The following NCOR2 variants were observed in gnomAD, a reference collection of about 807,000 sequenced individuals.
The protein encoded by NCOR2 is nuclear receptor corepressor 2.
In NCOR2, 81 loss-of-function variants were observed where a neutral mutation model predicts 262.9. That is an observed-to-expected ratio of 0.31 (90% CI 0.26 to 0.37). The LOEUF (loss-of-function observed/expected upper bound fraction) is 0.37. Ranked by LOEUF, NCOR2 falls within the 10% of genes least tolerant of loss-of-function variation. NCOR2 has a pLI of 1.00. For synonymous variants in NCOR2, 1,659 were observed against 1,559.3 expected, an observed-to-expected ratio of 1.06 and a Z score of -1.51; for missense variants, 3,385 against 3,621.4, an observed-to-expected ratio of 0.93 and a Z score of 1.68.
intron 22 of NCOR2, among the ~76,000 whole-genome samples, chr12:124,359,868 G>C (rs772995019): frequency 9.8e-5 from 15 of 152,378 alleles, no homozygotes; most frequent in Non-Finnish European, 1.9e-4. Flanking sequence ...AGACCAGAGA[G>C]GTAGCGCTGG....
chr12:124,379,647 C>T lies in NCOR2; in HGVS notation c.2020-1263G>A, dbSNP rs115420683. On this transcript the variant is annotated intron_variant, in intron 17 of 46. Coordinates refer to ENST00000405201, the Ensembl canonical transcript of NCOR2. ...GCCCTCCGCCACACCTGGAGGTGCC[C>T]GCAGCTCTCAGCCAAGAGCCCTGTA... 5.1e-3 allele frequency among the ~76,000 whole-genome samples: 779 copies of T among 152,282 alleles called. 9 individuals carry two copies. The highest frequency in any genetic ancestry group is 0.018 in the African/African-American group (734 of 41,550).
intron 13 of NCOR2, among the ~76,000 whole-genome samples, chr12:124,416,780 T>A (rs3825120): frequency 8.8e-6 from 1 of 114,128 alleles, no homozygotes; most frequent in African/African-American, 3.3e-5. Context: ...GCAGCACAGA[T>A]AGACCCGTGG....
intron 16 of NCOR2, among the ~76,000 whole-genome samples, chr12:124,390,680 C>T (rs1055508476): frequency 6.6e-6 from 1 of 152,208 alleles, no homozygotes; most frequent in East Asian, 1.9e-4. Context: ...CTGCAGGGGG[C>T]CCCGAACCCT....
At chr12:124,395,327 G>A (rs1434440698) in intron 16 of NCOR2, among the ~76,000 whole-genome samples, 1 of 146,616 alleles carries the variant, frequency 6.8e-6, no homozygotes, top group South Asian at 2.2e-4. Context: ...CTGTCTCCCC[G>A]CCCCACCCCC....
At chr12:124,421,680 C>T (rs1201533321) in intron 12 of NCOR2, among the ~76,000 whole-genome samples, 10 of 152,194 alleles carry the variant, frequency 6.6e-5, no homozygotes, top group Middle Eastern at 3.2e-3. Context: ...CTCTGAGAAA[C>T]GTGATTCAGG....
At chr12:124,333,024 C>T (rs2035350233) in intron 42 of NCOR2, 106 bp downstream of exon 44, 2 of 1,434,722 alleles carry the variant, frequency 1.4e-6, no homozygotes. Flanking sequence ...CCAGCTGAGC[C>T]CTGTGCCCTT....
Position 124,486,625 on chromosome 12 carries a change from C to T in NCOR2, c.106-57G>A, listed in dbSNP as rs1037050605. The stretch of plus-strand genomic sequence containing the variant: ...GGGCGGGCACGGGCATGGCGGGGCA[C>T]GGCAGGGCACAGTGGGCAAGGCCGT... On this transcript the variant is annotated intron_variant, in intron 1 of 46. Transcript: ENST00000405201. The T allele has an allele frequency of 2.0e-4, 304 of 1,517,984 alleles. 5 individuals are homozygous for T. In the East Asian group the frequency reaches 6.2e-3, roughly 31 times the overall value. The allele number at this position is 1,517,984 out of a possible 1,614,324, so 94.0% of individuals were successfully genotyped here. A position where few individuals can be genotyped will look rare whatever the true frequency, so the allele number is the denominator to read the frequency against.
intron 13 of NCOR2, among the ~76,000 whole-genome samples, chr12:124,416,426 C>T (rs1423324137): frequency 1.3e-5 from 2 of 152,194 alleles, no homozygotes; most frequent in South Asian, 2.1e-4. Flanking sequence ...CATCCCTGTC[C>T]GCCTGTGGGG....
At chr12:124,329,676 G>C (rs139924254) in intron 44 of NCOR2, among the ~76,000 whole-genome samples, 1 of 148,828 alleles carries the variant, frequency 6.7e-6, no homozygotes, top group Non-Finnish European at 1.5e-5. Flanking sequence ...CCTGGGAGGC[G>C]GAGGCTGCAG....
exon 40 of NCOR2, chr12:124,335,225 A>G: frequency 6.2e-7 from 1 of 1,610,262 alleles, no homozygotes; most frequent in Non-Finnish European, 8.5e-7. Context: ...GCTGGCTCTC[A>G]GGCAGCGGCC....
intron 16 of NCOR2, among the ~76,000 whole-genome samples, chr12:124,388,143 G>A (rs889884549): frequency 6.6e-6 from 1 of 152,172 alleles, no homozygotes; most frequent in Non-Finnish European, 1.5e-5. Context: ...AAGGAGCTGG[G>A]CAGAGTCATC....
In NCOR2 at chr12:124,339,837, G is replaced by A. The variant is rs528593477; in HGVS notation, c.5687+169C>T. On this transcript the variant is annotated intron_variant, in intron 37 of 46. Transcript: ENST00000405201. The stretch of plus-strand genomic sequence containing the variant: ...ACTGACCCACACACCCACCTAACCC[G>A]ACCACCCACCCATCCACTACTCACA... Among the ~76,000 whole-genome samples, 190 of 125,728 alleles carry A rather than the reference G, an allele frequency of 1.5e-3. 3 individuals are homozygous for A. The highest frequency in any genetic ancestry group is 2.0e-3 in the East Asian group (7 of 3,468). 82.5% of individuals were successfully genotyped at this position (125,728 alleles called of 152,430 possible). A position where few individuals can be genotyped will look rare whatever the true frequency, so the allele number is the denominator to read the frequency against.
chr12:124,358,273 C>G (rs1414549592), intron 22 of NCOR2, among the ~76,000 whole-genome samples: 1 of 140,212 alleles, frequency 7.1e-6, no homozygotes, highest in Non-Finnish European at 1.5e-5. Context: ...AAGGACGTAA[C>G]CTGTGATGTG....
At chr12:124,410,971 G>A (rs967857752) in intron 13 of NCOR2, among the ~76,000 whole-genome samples, 2 of 150,980 alleles carry the variant, frequency 1.3e-5, no homozygotes, top group African/African-American at 4.9e-5. Flanking sequence ...AGAAAGGTGG[G>A]GGAGGAGCAG....
At chr12:124,506,385 T>C (rs2049038713) in intron 1 of NCOR2, among the ~76,000 whole-genome samples, 1 of 151,786 alleles carries the variant, frequency 6.6e-6, no homozygotes, top group Admixed American at 6.6e-5. Flanking sequence ...CTGTTTCCAA[T>C]ATAATTGGAG....
intron 1 of NCOR2, among the ~76,000 whole-genome samples, chr12:124,554,004 CT>C: frequency 6.6e-6 from 1 of 152,348 alleles, no homozygotes; most frequent in Non-Finnish European, 1.5e-5. Flanking sequence ...GCACCCTCCC[CT>C]GCAGCTCCTG....
chr12:124,372,159 C>G, exon 20 of NCOR2: 1 of 1,601,296 alleles, frequency 6.2e-7, no homozygotes, highest in Non-Finnish European at 8.5e-7. Context: ...CTGCCTTGAG[C>G]GCCCCCTCGG....
intron 1 of NCOR2, among the ~76,000 whole-genome samples, chr12:124,507,243 T>C (rs931550339): frequency 3.7e-4 from 57 of 152,130 alleles, no homozygotes; most frequent in African/African-American, 1.3e-3. Context: ...GCGATTCAGT[T>C]TTGCCACATG....
intron 23 of NCOR2, 138 bp from the exon 26 acceptor site, chr12:124,355,709 C>CCTGG: frequency 1.5e-6 from 2 of 1,296,098 alleles, no homozygotes; most frequent in Non-Finnish European, 2.0e-6. Context: ...TATTGCCCTG[C>CCTGG]CTGGCTCTGT....
Sources: gnomAD v4.1 joint callset for allele counts (sites outside exome capture counted in the v4.1 genomes callset) on GRCh38, gnomAD v4.1.1 for gene constraint, MANE v1.5 for transcripts, NCBI Gene and HGNC (gene_info 2026-07-23, HGNC 2026-07-21) for gene names.